Variants in ARAP2 observed in about 807,000 individuals in gnomAD.
ARAP2 encodes ArfGAP with RhoGAP domain, ankyrin repeat and PH domain 2.
ARAP2 carries 148 observed loss-of-function variants against 194.5 expected under a neutral mutation model. The ratio of observed to expected loss-of-function variants is 0.76; its 90% CI spans 0.67 to 0.87. ARAP2 has a LOEUF of 0.87. Among genes scored for constraint, ARAP2 ranks in the 40% least tolerant of loss-of-function variants. The pLI is 0.00. For missense variants in ARAP2, 2,128 were observed against 1,989.7 expected (o/e 1.07, Z -1.32); for synonymous variants, 695 against 683.5 (o/e 1.02, Z -0.26).
intron 24 of ARAP2, among the ~76,000 whole-genome samples, chr4:36,117,948 CTTAAG>C (rs945218067): frequency 1.4e-4 from 21 of 151,146 alleles, no homozygotes; most frequent in Admixed American, 2.6e-4. Flanking sequence ...CAGAAGTTCC[CTTAAG>C]TTATGTAACC....
chr4:36,107,721 G>T, intron 26 of ARAP2, 28 bp from the exon 27 acceptor site: 1 of 1,555,160 alleles, frequency 6.4e-7, no homozygotes, highest in Non-Finnish European at 8.7e-7. Context: ...CAAATCAAAT[G>T]GAAAATATAT....
chr4:36,105,282 C>T (rs753978736), intron 27 of ARAP2, among the ~76,000 whole-genome samples: 10 of 151,864 alleles, frequency 6.6e-5, no homozygotes, highest in East Asian at 1.9e-4. Context: ...ATCACGCCAC[C>T]GGTGGCACTC....
intron 32 of ARAP2, among the ~76,000 whole-genome samples, chr4:36,069,962 C>G (rs1455340207): frequency 6.6e-6 from 1 of 152,082 alleles, no homozygotes; most frequent in African/African-American, 2.4e-5. Flanking sequence ...TCTGCTCCAG[C>G]CATGTAAGAT....
Position 36,020,692 on chromosome 4 carries a change from A to C in ARAP2, n.608-1406T>G, listed in dbSNP as rs549674109. On this transcript the variant is annotated intron_variant and non_coding_transcript_variant, in intron 5 of 12. Coordinates refer to the ARAP2 transcript ENST00000503225. ...TGACTGCAGAAAACTGAAACCACAGAAAGTGAAACAGTGGATAAGTCGAGA... is the reference window on the plus strand; with the variant it reads ...TGACTGCAGAAAACTGAAACCACAGCAAGTGAAACAGTGGATAAGTCGAGA... Among the ~76,000 whole-genome samples, 17 of 152,360 alleles carry C rather than the reference A, an allele frequency of 1.1e-4. No individual in the cohort carries two copies. In the South Asian group the frequency reaches 2.1e-3, roughly 19 times the overall value.
chr4:36,031,841 G>A (rs994472224), intron 5 of ARAP2, among the ~76,000 whole-genome samples: 1 of 151,856 alleles, frequency 6.6e-6, no homozygotes, highest in South Asian at 2.1e-4. Context: ...GCTAATTTTT[G>A]TATTTTTAGT....
At chr4:36,071,011 C>A (rs1371995315) in intron 32 of ARAP2, among the ~76,000 whole-genome samples, 1 of 152,116 alleles carries the variant, frequency 6.6e-6, no homozygotes, top group African/African-American at 2.4e-5. Flanking sequence ...ATACTAACAA[C>A]AAAGAGAGGG....
chr4:36,214,485 A>C lies in ARAP2; in HGVS notation c.906-5T>G. On this transcript the variant is annotated splice_region_variant and splice_polypyrimidine_tract_variant and intron_variant, in intron 2 of 32. Transcript: ENST00000303965. Reference sequence around the variant, plus strand: ...TTTCTTCTTTCACGGAAATAGCTTAAAAAGCAAAGGAGAAAATACTTATGA... The same window carrying C: ...TTTCTTCTTTCACGGAAATAGCTTACAAAGCAAAGGAGAAAATACTTATGA... The C allele has an allele frequency of 6.3e-7, 1 of 1,592,706 alleles. No individual in the cohort carries two copies. Among genetic ancestry groups the C allele is most frequent in the South Asian group, 1.1e-5 (1 of 87,710 alleles).
chr4:36,208,678 G>A (rs1390127719), intron 6 of ARAP2, among the ~76,000 whole-genome samples: 2 of 152,144 alleles, frequency 1.3e-5, no homozygotes, highest in Non-Finnish European at 2.9e-5. Flanking sequence ...TTCTACTTCT[G>A]ATTTAATGAA....
At chr4:36,210,780 A>G in intron 5 of ARAP2, 37 bp from the exon 6 acceptor site, 1 of 1,416,734 alleles carries the variant, frequency 7.1e-7, no homozygotes, top group Non-Finnish European at 9.5e-7. Flanking sequence ...TCAAAGTGCT[A>G]TATGTGATTT....
At chr4:36,093,445 T>A (rs945273885) in intron 27 of ARAP2, among the ~76,000 whole-genome samples, 6 of 152,108 alleles carry the variant, frequency 3.9e-5, no homozygotes, top group African/African-American at 1.4e-4. Context: ...AAACATGCAA[T>A]AATTGCTACA....
At position 36,116,271 on chromosome 4, in the gene ARAP2, A is replaced by T. The variant is rs1721283827; in HGVS notation, c.4038+790T>A. ...CAATATATATTTAACTTAAGTCCAA[A>T]TATATCTAATGTTGTGACTGTTTAA... is the stretch of plus-strand genomic sequence containing the variant. On this transcript the variant is annotated intron_variant, in intron 25 of 32. Coordinates refer to ENST00000303965, the MANE Select transcript of ARAP2 (RefSeq NM_015230.4). Among the ~76,000 whole-genome samples, 3 of 152,000 alleles carry T rather than the reference A, an allele frequency of 2.0e-5. No individual in the cohort carries two copies. In the South Asian group the frequency reaches 6.2e-4, roughly 32 times the overall value.
chr4:36,224,129 T>A (rs1170885425), intron 2 of ARAP2, among the ~76,000 whole-genome samples: 1 of 150,696 alleles, frequency 6.6e-6, no homozygotes, highest in Admixed American at 6.6e-5. Context: ...TATCCCCTTA[T>A]GAACTGTACT....
intron 6 of ARAP2, among the ~76,000 whole-genome samples, chr4:36,202,934 A>G (rs1744714656): frequency 6.6e-6 from 1 of 152,232 alleles, no homozygotes; most frequent in African/African-American, 2.4e-5. Flanking sequence ...TAAGAGAAAA[A>G]CACATTTACT....
At chr4:36,050,709 C>A (rs116143771) in intron 3 of ARAP2, among the ~76,000 whole-genome samples, 1 of 152,114 alleles carries the variant, frequency 6.6e-6, no homozygotes, top group African/African-American at 2.4e-5. Flanking sequence ...TAAAATGGGA[C>A]GTATTTGAAA....
chr4:36,040,299 CA>C (rs1720631574), intron 5 of ARAP2, among the ~76,000 whole-genome samples: 1 of 152,016 alleles, frequency 6.6e-6, no homozygotes, highest in African/African-American at 2.4e-5. Context: ...CATGTGGACA[CA>C]AAACACATAC....
chr4:36,072,637 C>T (rs1446647940), intron 32 of ARAP2, among the ~76,000 whole-genome samples: 2 of 146,024 alleles, frequency 1.4e-5, no homozygotes, highest in Non-Finnish European at 3.0e-5. Context: ...ATAAGGAACT[C>T]TGCAGAGCGG....
chr4:36,061,625 G>A (rs1472949419), downstream of ARAP2, among the ~76,000 whole-genome samples: 1 of 152,118 alleles, frequency 6.6e-6, no homozygotes, highest in Non-Finnish European at 1.5e-5. Context: ...CAACAAACAT[G>A]GGAGTGCTGC....
At position 36,228,682 on chromosome 4, in the gene ARAP2, T is replaced by C. The variant is rs376622730; in HGVS notation, c.805A>G (p.Arg269Gly). Residue 269 changes from arginine (R) to glycine (G), a missense_variant, in exon 2 of 33, where the codon AGA (arginine) becomes GGA (glycine). Physicochemically the swap from Arg to Gly is moderately radical, Grantham distance 125 (BLOSUM62 -2). Coordinates refer to ENST00000303965, the MANE Select transcript of ARAP2 (RefSeq NM_015230.4). Reference sequence around the variant, plus strand: ...CTTGAAACCAACTTGCTACGACTTCTCACAGGTGCTAGGATTGGTGATGAT... The same window carrying C: ...CTTGAAACCAACTTGCTACGACTTCCCACAGGTGCTAGGATTGGTGATGAT... The part of the protein sequence containing the change: ...VPSSPILAPV[R>G]SRSKLVSRPS... The C allele has an allele frequency of 2.1e-5, 34 of 1,613,984 alleles. No homozygotes were observed. The Middle Eastern group carries it at 6.6e-4, about 31-fold the overall frequency.
intron 2 of ARAP2, among the ~76,000 whole-genome samples, chr4:36,220,803 G>A (rs1748978281): frequency 6.6e-6 from 1 of 152,094 alleles, no homozygotes; most frequent in Admixed American, 6.6e-5. Context: ...TATAATGTGT[G>A]TTTTAAGCTA....
Sources: gnomAD v4.1 joint callset for allele counts (sites outside exome capture counted in the v4.1 genomes callset) on GRCh38, gnomAD v4.1.1 for gene constraint, MANE v1.5 for transcripts, NCBI Gene and HGNC (gene_info 2026-07-23, HGNC 2026-07-21) for gene names.